HMGCLL1: variants seen among roughly 807,000 people sequenced by gnomAD.
HMGCLL1 encodes the protein 3-hydroxy-3-methylglutaryl-CoA lyase like 1.
HMGCLL1 carries 36 observed loss-of-function variants against 39.1 expected under a neutral mutation model. That is an observed-to-expected ratio of 0.92 (90% CI 0.71 to 1.22). The LOEUF (loss-of-function observed/expected upper bound fraction) is 1.22, where lower values mean the gene tolerates loss of function less well. HMGCLL1 is among the 50% of genes most tolerant of loss of function. The pLI, the probability that HMGCLL1 is intolerant of heterozygous loss-of-function variation, is 0.00. For missense variants in HMGCLL1, 451 were observed against 416.5 expected (o/e 1.08, Z -0.72); for synonymous variants, 149 against 144.0 (o/e 1.03, Z -0.25).
chr6:55,657,298 T>G, the HMGCLL1 span, among the ~76,000 whole-genome samples: 2 of 152,096 alleles, frequency 1.3e-5, no homozygotes, highest in Non-Finnish European at 2.9e-5. Flanking sequence ...TGAGTGGTAT[T>G]GCCTAGGTTG....
At chr6:55,647,384 A>G in the HMGCLL1 span, among the ~76,000 whole-genome samples, 2 of 151,956 alleles carry the variant, frequency 1.3e-5, no homozygotes, top group South Asian at 4.1e-4. Context: ...AGTTTAGTCC[A>G]TTTAAATTCA....
chr6:55,463,258 C>G (rs961767129), intron 7 of HMGCLL1, among the ~76,000 whole-genome samples: 2 of 151,968 alleles, frequency 1.3e-5, no homozygotes, highest in African/African-American at 2.4e-5. Flanking sequence ...TCTCGAACTC[C>G]TGACCTCAGG....
the HMGCLL1 span, among the ~76,000 whole-genome samples, chr6:55,629,009 A>G: frequency 1.3e-5 from 2 of 152,166 alleles, no homozygotes; most frequent in Non-Finnish European, 2.9e-5. Context: ...GTAAATTGGT[A>G]TCAGTATAGT....
At chr6:55,485,151 A>G (rs1189135183) in intron 7 of HMGCLL1, among the ~76,000 whole-genome samples, 2 of 152,006 alleles carry the variant, frequency 1.3e-5, no homozygotes, top group Non-Finnish European at 2.9e-5. Context: ...TCTTCTTAAA[A>G]TTGCCTTCCC....
the HMGCLL1 span, among the ~76,000 whole-genome samples, chr6:55,639,252 A>G: frequency 1.3e-5 from 2 of 151,928 alleles, no homozygotes; most frequent in Non-Finnish European, 2.9e-5. Flanking sequence ...CACTACCATT[A>G]CTGATAACAT....
chr6:55,641,304 A>G, the HMGCLL1 span, among the ~76,000 whole-genome samples: 8 of 151,928 alleles, frequency 5.3e-5, no homozygotes, highest in Admixed American at 3.3e-4. Flanking sequence ...TTAATTTTCT[A>G]TTTATATGCA....
At chr6:55,545,660 G>A (rs542263885) in intron 1 of HMGCLL1, among the ~76,000 whole-genome samples, 1 of 152,068 alleles carries the variant, frequency 6.6e-6, no homozygotes, top group Non-Finnish European at 1.5e-5. Flanking sequence ...AGCATGTACT[G>A]GGGAATATCT....
chr6:55,574,337 T>C (rs1318281987), intron 1 of HMGCLL1, among the ~76,000 whole-genome samples: 2 of 151,910 alleles, frequency 1.3e-5, no homozygotes, highest in Non-Finnish European at 2.9e-5. Flanking sequence ...TATGCATATG[T>C]ATTGTAAATA....
At chr6:55,473,134 T>G (rs1265714353) in intron 7 of HMGCLL1, among the ~76,000 whole-genome samples, 1 of 151,386 alleles carries the variant, frequency 6.6e-6, no homozygotes, top group African/African-American at 2.4e-5. Flanking sequence ...TACCTGAGTA[T>G]ATTAAATATT....
chr6:55,476,929 T>G (rs1765317565), intron 7 of HMGCLL1, among the ~76,000 whole-genome samples: 1 of 140,814 alleles, frequency 7.1e-6, no homozygotes, highest in African/African-American at 2.7e-5. Context: ...ACGGGGCCTC[T>G]ACAACAACAG....
chr6:55,661,085 G>C, the HMGCLL1 span, among the ~76,000 whole-genome samples: 1 of 151,862 alleles, frequency 6.6e-6, no homozygotes, highest in East Asian at 1.9e-4. Flanking sequence ...TTGTATATTT[G>C]TTTAAGTTCC....
Position 55,520,520 on chromosome 6 carries a change from T to C in HMGCLL1, c.298-3917A>G, listed in dbSNP as rs550494152. On this transcript the variant is annotated intron_variant, in intron 3 of 8. Transcript: ENST00000274901. The stretch of plus-strand genomic sequence containing the variant: ...CAAGTAAGTAAAGAGTTTTAGGAAA[T>C]CCTGATAGAGTATCATTTTATTCCA... Among the ~76,000 whole-genome samples, 3 of 152,014 alleles carry C rather than the reference T, an allele frequency of 2.0e-5. No individual in the cohort carries two copies. In the East Asian group the frequency reaches 5.8e-4, roughly 29 times the overall value.
intron 8 of HMGCLL1, among the ~76,000 whole-genome samples, chr6:55,439,137 G>C (rs1159857911): frequency 6.6e-6 from 1 of 151,940 alleles, no homozygotes; most frequent in Non-Finnish European, 1.5e-5. Context: ...AAAGACACAG[G>C]CTCCAACTCA....
chr6:55,653,719 A>T, the HMGCLL1 span, among the ~76,000 whole-genome samples: 1 of 152,016 alleles, frequency 6.6e-6, no homozygotes, highest in Non-Finnish European at 1.5e-5. Flanking sequence ...GACCAGGTCA[A>T]TGGGAACCCA....
intron 1 of HMGCLL1, chr6:55,577,054 G>C (rs751997122): frequency 6.8e-6 from 11 of 1,612,356 alleles, no homozygotes; most frequent in Non-Finnish European, 9.3e-6. Flanking sequence ...AGTGTAGATA[G>C]TGATGGGGCA....
At chr6:55,442,498 T>G (rs550862637) in intron 7 of HMGCLL1, among the ~76,000 whole-genome samples, 28 of 152,120 alleles carry the variant, frequency 1.8e-4, no homozygotes, top group African/African-American at 6.5e-4. Flanking sequence ...GGACTGTGGG[T>G]TTTCAACCAC....
chr6:55,607,845 T>C, the HMGCLL1 span, among the ~76,000 whole-genome samples: 2 of 152,178 alleles, frequency 1.3e-5, no homozygotes, highest in Non-Finnish European at 1.5e-5. Context: ...TGAAACCTGG[T>C]TCCACCTGTG....
the HMGCLL1 span, among the ~76,000 whole-genome samples, chr6:55,665,649 G>A: frequency 6.6e-6 from 1 of 151,544 alleles, no homozygotes; most frequent in African/African-American, 2.4e-5. Flanking sequence ...TTTTATCCTT[G>A]TTGGAAAATT....
chr6:55,485,257 A>G (rs1252837083), intron 7 of HMGCLL1, among the ~76,000 whole-genome samples: 1 of 152,044 alleles, frequency 6.6e-6, no homozygotes, highest in Non-Finnish European at 1.5e-5. Context: ...TTTTTTGCAT[A>G]GCTTTTATCG....
Sources: gnomAD v4.1 joint callset for allele counts (sites outside exome capture counted in the v4.1 genomes callset) on GRCh38, gnomAD v4.1.1 for gene constraint, MANE v1.5 for transcripts, NCBI Gene and HGNC (gene_info 2026-07-23, HGNC 2026-07-21) for gene names.